Variants in STMP1 observed in about 807,000 individuals in gnomAD.
STMP1 encodes the protein short transmembrane mitochondrial protein 1, also known as mitolamban.
STMP1 carries 7 observed loss-of-function variants against 7.0 expected under a neutral mutation model. That is an observed-to-expected ratio of 1.01 (90% CI 0.57 to 1.89). The LOEUF is 1.89. STMP1 is among the 40% of genes most tolerant of loss of function. The pLI is 0.00. For synonymous variants in STMP1, 19 were observed against 18.4 expected (o/e 1.03, Z -0.08); for missense variants, 45 against 53.0 (o/e 0.85, Z 0.47).
Position 135,675,504 on chromosome 7 carries a change from T to G in STMP1, c.*1339T>G, listed in dbSNP as rs1159472316. The G allele has an allele frequency of 6.6e-6, 1 of 152,224 alleles. No individual in the cohort carries two copies. Among genetic ancestry groups the G allele is most frequent in the African/African-American group, 2.4e-5 (1 of 41,456 alleles). The allele number at this position is 152,224 out of a possible 1,614,324, so 9.4% of individuals were successfully genotyped here. On this transcript the variant is annotated 3_prime_UTR_variant, in exon 3 of 3. Coordinates refer to ENST00000507606, the MANE Select transcript of STMP1 (RefSeq NM_001130929.2). ...GATTTAATCTGCTACTGGTGAATGC[T>G]TAGGTTGTTCTTTTGCTATTACAGT...
intron 1 of STMP1, among the ~76,000 whole-genome samples, chr7:135,670,631 C>T (rs1040330542): frequency 6.6e-6 from 1 of 152,068 alleles, no homozygotes; most frequent in African/African-American, 2.4e-5. Flanking sequence ...TTTGGTAGAT[C>T]CGGTAGTATT....
intron 1 of STMP1, among the ~76,000 whole-genome samples, chr7:135,666,152 T>C (rs1375504987): frequency 1.3e-5 from 2 of 152,074 alleles, no homozygotes; most frequent in Non-Finnish European, 2.9e-5. Flanking sequence ...AGCCTGGTCT[T>C]GAACTCCTGA....
At chr7:135,667,990 T>A (rs112329458) in intron 1 of STMP1, among the ~76,000 whole-genome samples, 130 of 152,318 alleles carry the variant, frequency 8.5e-4, no homozygotes, top group African/African-American at 3.1e-3. Context: ...CCACCTTTAT[T>A]CTTTGCATGT....
chr7:135,672,344 C>T (rs753464733), intron 1 of STMP1, among the ~76,000 whole-genome samples: 14 of 152,068 alleles, frequency 9.2e-5, no homozygotes, highest in Non-Finnish European at 1.8e-4. Context: ...ATATCCATAA[C>T]CAAAAAAAGA....
At chr7:135,669,385 A>T (rs1795335086) in intron 1 of STMP1, among the ~76,000 whole-genome samples, 1 of 152,170 alleles carries the variant, frequency 6.6e-6, no homozygotes, top group South Asian at 2.1e-4. Flanking sequence ...TGATGTTTGG[A>T]GCATCTGTTA....
At chr7:135,672,136 C>T (rs1404354068) in intron 1 of STMP1, among the ~76,000 whole-genome samples, 3 of 152,136 alleles carry the variant, frequency 2.0e-5, no homozygotes, top group East Asian at 1.9e-4. Flanking sequence ...TGAGCCACCA[C>T]GCCTGGCTAA....
chr7:135,665,066 TAAAAAC>T (rs1042926119), intron 1 of STMP1, among the ~76,000 whole-genome samples: 116 of 152,294 alleles, frequency 7.6e-4, no homozygotes, highest in African/African-American at 2.7e-3. Context: ...TTAAAGAACT[TAAAAAC>T]AGGAGCACTC....
intron 1 of STMP1, among the ~76,000 whole-genome samples, chr7:135,667,775 C>T (rs1795312341): frequency 1.3e-5 from 2 of 150,452 alleles, no homozygotes; most frequent in South Asian, 2.1e-4. Flanking sequence ...ATGTGAAACA[C>T]AGATATTTTT....
rs1043835122 is a variant in STMP1 at position 135,674,202 on chromosome 7, C to G, written c.*37C>G. On this transcript the variant is annotated 3_prime_UTR_variant, in exon 3 of 3. Transcript: ENST00000507606. The stretch of plus-strand genomic sequence containing the variant: ...GCACTGCCTTCAGGATATACTGATT[C>G]TACTGCTCTTGAGGGCCTCGTTTAC... 6.9e-7 allele frequency: 1 copy of G among 1,451,244 alleles called. No individual in the cohort carries two copies. Among genetic ancestry groups the G allele is most frequent in the African/African-American group, 1.4e-5 (1 of 69,598 alleles). The allele number at this position is 1,451,244 out of a possible 1,614,324, so 89.9% of individuals were successfully genotyped here. A position where few individuals can be genotyped will look rare whatever the true frequency, so the allele number is the denominator to read the frequency against.
At chr7:135,662,914 C>T (rs1795249911) in intron 1 of STMP1, among the ~76,000 whole-genome samples, 1 of 152,218 alleles carries the variant, frequency 6.6e-6, no homozygotes, top group Non-Finnish European at 1.5e-5. Flanking sequence ...TTGTGTGGTC[C>T]TTGATGACTT....
At chr7:135,672,971 C>T (rs545550336) in intron 2 of STMP1, 165 bp downstream of exon 2, 35 of 634,344 alleles carry the variant, frequency 5.5e-5, no homozygotes, top group Non-Finnish European at 8.8e-5. Context: ...AAAAGTAATC[C>T]AACTCATGAA....
intron 1 of STMP1, among the ~76,000 whole-genome samples, chr7:135,670,775 C>T (rs1795348918): frequency 6.6e-6 from 1 of 151,644 alleles, no homozygotes; most frequent in African/African-American, 2.4e-5. Context: ...GTTAGACATG[C>T]CACATTTATT....
At chr7:135,663,050 A>G (rs568778586) in intron 1 of STMP1, among the ~76,000 whole-genome samples, 4 of 152,312 alleles carry the variant, frequency 2.6e-5, no homozygotes, top group South Asian at 2.1e-4. Flanking sequence ...TAAACCGTAA[A>G]TTAGCCACCT....
chr7:135,675,922 C>CT lies in STMP1; in HGVS notation c.*1777dup, dbSNP rs1177437643. 31,213 of 119,728 alleles carry CT rather than the reference C, an allele frequency of 0.26. 4,849 individuals are homozygous for CT. The highest frequency in any genetic ancestry group is 0.35 in the Middle Eastern group (72 of 204). The allele number at this position is 119,728 out of a possible 1,614,324, so 7.4% of individuals were successfully genotyped here. ...TAGCAGCGTGATCATGGGCAAGTGG[C>CT]TTTTTTTTTTTTTTTTTTTTGAGAC... On this transcript the variant is annotated 3_prime_UTR_variant, in exon 3 of 3. Coordinates refer to ENST00000507606, the MANE Select transcript of STMP1 (RefSeq NM_001130929.2).
intron 1 of STMP1, chr7:135,665,666 A>T: frequency 6.7e-6 from 1 of 149,866 alleles, no homozygotes; most frequent in Admixed American, 6.7e-5. Context: ...TCTCTGTATC[A>T]TTCCAGTTTT....
chr7:135,671,466 T>C (rs1281306249), intron 1 of STMP1, among the ~76,000 whole-genome samples: 3 of 152,084 alleles, frequency 2.0e-5, no homozygotes, highest in Non-Finnish European at 2.9e-5. Flanking sequence ...ATGAAAAAAA[T>C]TGATGCTAGT....
In STMP1 at chr7:135,674,860, T is replaced by C. The variant is rs1276234907; in HGVS notation, c.*695T>C. ...TAATGATGTATTTGATCTGACTTTT[T>C]TCCTTCTCAAAAGAATCATACTTGG... On this transcript the variant is annotated 3_prime_UTR_variant, in exon 3 of 3. Coordinates refer to ENST00000507606, the MANE Select transcript of STMP1 (RefSeq NM_001130929.2). 6.6e-6 allele frequency: 1 copy of C among 152,204 alleles called. No individual in the cohort carries two copies. The highest frequency in any genetic ancestry group is 1.5e-5 in the Non-Finnish European group (1 of 68,028). The allele number at this position is 152,204 out of a possible 1,614,324, so 9.4% of individuals were successfully genotyped here.
rs1795392068 is a variant in STMP1, at chr7:135,674,663, G to A, written c.*498G>A. On this transcript the variant is annotated 3_prime_UTR_variant, in exon 3 of 3. Coordinates refer to ENST00000507606, the MANE Select transcript of STMP1 (RefSeq NM_001130929.2). ...TTCTGGTGAATTATTCATTTATTTTGTACTGTTGTTAGGCAGCTCTGTAGT... is the reference window on the plus strand; with the variant it reads ...TTCTGGTGAATTATTCATTTATTTTATACTGTTGTTAGGCAGCTCTGTAGT... 1 of 152,428 alleles carries A rather than the reference G, an allele frequency of 6.6e-6. No individual in the cohort carries two copies. Among genetic ancestry groups the A allele is most frequent in the Non-Finnish European group, 1.5e-5 (1 of 68,282 alleles). 9.4% of individuals were successfully genotyped at this position (152,428 alleles called of 1,614,324 possible). A position where few individuals can be genotyped will look rare whatever the true frequency, so the allele number is the denominator to read the frequency against.
chr7:135,674,616 A>G lies in STMP1; in HGVS notation c.*451A>G, dbSNP rs1795391362. 1 of 153,194 alleles carries G rather than the reference A, an allele frequency of 6.5e-6. No homozygotes were observed. The highest frequency in any genetic ancestry group is 2.1e-4 in the South Asian group (1 of 4,856). The allele number at this position is 153,194 out of a possible 1,614,324, so 9.5% of individuals were successfully genotyped here. A position where few individuals can be genotyped will look rare whatever the true frequency, so the allele number is the denominator to read the frequency against. On this transcript the variant is annotated 3_prime_UTR_variant, in exon 3 of 3. Transcript: ENST00000507606. ...TAAATTATGTTGCTGCAAAGTAATT[A>G]AAATTAGTATCTAGAGCTAGTTTCT...
Sources: gnomAD v4.1 joint callset for allele counts (sites outside exome capture counted in the v4.1 genomes callset) on GRCh38, gnomAD v4.1.1 for gene constraint, MANE v1.5 for transcripts, NCBI Gene and HGNC (gene_info 2026-07-23, HGNC 2026-07-21) for gene names.